THSD1: variants seen among roughly 807,000 people sequenced by gnomAD.
The protein encoded by THSD1 is thrombospondin type 1 domain containing 1.
THSD1 carries 34 observed loss-of-function variants against 46.3 expected under a neutral mutation model. The observed-to-expected ratio is 0.74, with a 90% CI of 0.56 to 0.98. The LOEUF (loss-of-function observed/expected upper bound fraction) is 0.98, where lower values mean the gene tolerates loss of function less well. THSD1 is among the 50% of genes least tolerant of loss of function. THSD1 has a pLI of 0.00. For missense variants in THSD1, 1,023 were observed against 1,058.3 expected, an observed-to-expected ratio of 0.97 and a Z score of 0.46; for synonymous variants, 407 against 416.5, an observed-to-expected ratio of 0.98 and a Z score of 0.28.
intron 3 of THSD1, among the ~76,000 whole-genome samples, chr13:52,395,856 T>A (rs1411202927): frequency 6.6e-6 from 1 of 151,914 alleles, no homozygotes; most frequent in Non-Finnish European, 1.5e-5. Context: ...CTGCCAAGGG[T>A]GAAAGCATGA....
chr13:52,377,964 C>G lies in THSD1; in HGVS notation c.2006G>C (p.Ser669Thr). 1 of 1,614,136 alleles carries G rather than the reference C, an allele frequency of 6.2e-7. No homozygotes were observed. The highest frequency in any genetic ancestry group is 8.5e-7 in the Non-Finnish European group (1 of 1,180,012). ...CTGCCGTGGAGTCAGAGTGGACATG[C>G]TCCTCTCTCGGAACGGCCGGGCCTG... ...ARQARPFRERSMSTLTPRQAP... is the reference protein window; with the variant it reads ...ARQARPFRERTMSTLTPRQAP... Residue 669 changes from serine (S) to threonine (T), a missense_variant, in exon 5 of 5, where the codon AGC becomes ACC. Physicochemically the swap from Ser to Thr is moderately conservative, Grantham distance 58. This residue lies in a region of THSD1 where 578 missense variants were observed against 497.4 expected (regional missense o/e 1.16). Transcript: ENST00000258613.
intron 4 of THSD1, among the ~76,000 whole-genome samples, chr13:52,382,118 G>C (rs1957697675): frequency 6.6e-6 from 1 of 152,138 alleles, no homozygotes; most frequent in Admixed American, 6.5e-5. Context: ...GTCCATTCCT[G>C]GCTCCACTAG....
intron 2 of THSD1, chr13:52,398,620 G>A (rs1187757782): frequency 1.2e-5 from 12 of 985,020 alleles, no homozygotes; most frequent in Non-Finnish European, 1.4e-5. Flanking sequence ...GATCCTGGAA[G>A]CTGGCCATTG....
chr13:52,391,242 T>C (rs1957771050), intron 3 of THSD1, among the ~76,000 whole-genome samples: 1 of 151,324 alleles, frequency 6.6e-6, no homozygotes, highest in Non-Finnish European at 1.5e-5. Flanking sequence ...TTTGAGACAA[T>C]GTCTCACTCT....
At chr13:52,398,970 G>A (rs1957832427) in intron 2 of THSD1, among the ~76,000 whole-genome samples, 1 of 152,172 alleles carries the variant, frequency 6.6e-6, no homozygotes, top group South Asian at 2.1e-4. Flanking sequence ...AAGCACTGGG[G>A]AATTTTTACC....
chr13:52,397,556 G>A lies in THSD1; in HGVS notation c.697C>T (p.Pro233Ser). ...CCAAATTTCTGGGCCAGGTCAATGG[G>A]TCCTGTGGAGGTAATGACTGAGTCT... is the stretch of plus-strand genomic sequence containing the variant. ...GRDSVITSTGPIDLAQKFGYK... is the reference protein window; with the variant it reads ...GRDSVITSTGSIDLAQKFGYK... The change falls in exon 3 of 5, where the codon CCC (proline) becomes TCC (serine). Residue 233 changes from proline (P) to serine (S), a missense_variant. Around this residue, in one of 3 missense-constraint regions of THSD1, gnomAD observed 429 missense variants for 518.3 expected, o/e 0.83. Coordinates refer to ENST00000258613, the MANE Select transcript of THSD1 (RefSeq NM_018676.4). The A allele has an allele frequency of 6.2e-7, 1 of 1,614,190 alleles. No homozygotes were observed. Among genetic ancestry groups the A allele is most frequent in the Non-Finnish European group, 8.5e-7 (1 of 1,180,040 alleles).
At position 52,378,096 on chromosome 13, in the gene THSD1, A is replaced by T. The variant is rs748025545; in HGVS notation, c.1874T>A (p.Ile625Asn). 6.2e-7 allele frequency: 1 copy of T among 1,614,100 alleles called. No homozygotes were observed. The highest frequency in any genetic ancestry group is 8.5e-7 in the Non-Finnish European group (1 of 1,180,018). Residue 625 changes from isoleucine to asparagine, a missense_variant, in exon 5 of 5, where the codon ATC becomes AAC. Transcript: ENST00000258613. ...CACGTGCCTTGCCTGTGACTTGCGG[A>T]TCAGAGTCTGGCTGGGGCTTATGGC... Reference protein sequence around the residue: ...SCAISPSQTLIRKSQARHVGS... With the variant: ...SCAISPSQTLNRKSQARHVGS...
At chr13:52,392,015 A>AC (rs1957776368) in intron 3 of THSD1, among the ~76,000 whole-genome samples, 1 of 150,140 alleles carries the variant, frequency 6.7e-6, no homozygotes, top group Non-Finnish European at 1.5e-5. Flanking sequence ...ACACGGTGAA[A>AC]CCCCATCTCT....
intron 4 of THSD1, chr13:52,384,541 G>A (rs935746194): frequency 5.5e-5 from 19 of 346,780 alleles, no homozygotes; most frequent in Admixed American, 5.4e-4. Flanking sequence ...CCTACCTTGT[G>A]GAATTACGGT....
chr13:52,384,536 CT>C (rs1331654049), intron 4 of THSD1: 2 of 359,916 alleles, frequency 5.6e-6, no homozygotes, highest in African/African-American at 2.1e-5. Flanking sequence ...TGATACCTAC[CT>C]TGTGGAATTA....
intron 2 of THSD1, among the ~76,000 whole-genome samples, chr13:52,402,303 G>A (rs1366143573): frequency 6.6e-6 from 1 of 152,162 alleles, no homozygotes; most frequent in African/African-American, 2.4e-5. Context: ...GTTAAAATTT[G>A]AGAGAGTTGG....
chr13:52,401,425 G>T (rs532681201), intron 2 of THSD1, among the ~76,000 whole-genome samples: 1 of 151,800 alleles, frequency 6.6e-6, no homozygotes, highest in African/African-American at 2.4e-5. Flanking sequence ...TAGCCTTCCG[G>T]GTAGCTGGGA....
At chr13:52,404,660 C>T (rs1165512230) in intron 1 of THSD1, among the ~76,000 whole-genome samples, 3 of 152,196 alleles carry the variant, frequency 2.0e-5, no homozygotes, top group Non-Finnish European at 4.4e-5. Context: ...ATCACTTGGG[C>T]AAGTGTGAGC....
At chr13:52,401,326 G>T (rs572621224) in intron 2 of THSD1, among the ~76,000 whole-genome samples, 129 of 146,218 alleles carry the variant, frequency 8.8e-4, no homozygotes, top group African/African-American at 3.1e-3. Flanking sequence ...TTGAGACAGA[G>T]TCTCGCTCTG....
chr13:52,378,954 C>G (rs1397662928), intron 4 of THSD1, among the ~76,000 whole-genome samples, 165 bp from the exon 5 acceptor site: 1 of 149,130 alleles, frequency 6.7e-6, no homozygotes, highest in African/African-American at 2.5e-5. Context: ...CCTCCGCCTC[C>G]CAGGCTCAAA....
At chr13:52,399,314 G>T (rs142959793) in intron 2 of THSD1, among the ~76,000 whole-genome samples, 7 of 152,302 alleles carry the variant, frequency 4.6e-5, no homozygotes, top group African/African-American at 1.7e-4. Flanking sequence ...ATCAAAGGAG[G>T]CAGAATTTGG....
Position 52,397,862 on chromosome 13 carries a change from G to C in THSD1, c.391C>G (p.His131Asp). 6.2e-7 allele frequency: 1 copy of C among 1,614,266 alleles called. No individual in the cohort carries two copies. The highest frequency in any genetic ancestry group is 1.1e-5 in the South Asian group (1 of 91,090). ...TTGGCACTCCTATTCAAGTCAACGT[G>C]AAAGACAGGCCATTCCACCTTCAGA... ...AFLKVEWPVFHVDLNRSAKAA... is the reference protein window; with the variant it reads ...AFLKVEWPVFDVDLNRSAKAA... Residue 131 changes from histidine (H) to aspartate (D), a missense_variant, in exon 3 of 5, where the codon CAC (histidine) becomes GAC (aspartate). This residue lies in a region of THSD1 where 429 missense variants were observed against 518.3 expected (regional missense o/e 0.83). Transcript: ENST00000258613.
At chr13:52,384,209 AG>A in intron 4 of THSD1, 2 of 314,640 alleles carry the variant, frequency 6.4e-6, no homozygotes, top group Non-Finnish European at 1.3e-5. Flanking sequence ...AAAAAGAAGA[AG>A]AAGATGCCAG....
At chr13:52,397,147 T>A in intron 3 of THSD1, 85 bp downstream of exon 3, 1 of 1,197,768 alleles carries the variant, frequency 8.3e-7, no homozygotes, top group South Asian at 1.5e-5. Flanking sequence ...GATGGTACAA[T>A]TCACCTAAAT....
Sources: allele counts gnomAD v4.1 joint callset (sites outside exome capture counted in the v4.1 genomes callset), GRCh38; gene constraint gnomAD v4.1.1; regional missense constraint gnomAD v4.1.1; transcripts MANE v1.5; gene names NCBI Gene and HGNC (gene_info 2026-07-23, HGNC 2026-07-21).